PSD3: variants seen among roughly 807,000 people sequenced by gnomAD.
The protein encoded by PSD3 is PH and SEC7 domain-containing protein 3.
In PSD3, 49 loss-of-function variants were observed where a neutral mutation model predicts 105.5. The ratio of observed to expected loss-of-function variants is 0.46; its 90% CI spans 0.37 to 0.59. PSD3 has a LOEUF of 0.59. Ranked by LOEUF, PSD3 falls within the 20% of genes least tolerant of loss-of-function variation. The pLI is 0.00. For missense variants in PSD3, 1,561 were observed against 1,263.8 expected (o/e 1.24, Z -3.57); for synonymous variants, 557 against 457.8 (o/e 1.22, Z -2.77).
intron 1 of PSD3, among the ~76,000 whole-genome samples, chr8:18,986,887 G>C (rs866710895): frequency 1.3e-5 from 2 of 152,034 alleles, no homozygotes; most frequent in African/African-American, 4.8e-5. Flanking sequence ...CACTTTTCTG[G>C]ACCTCACACA....
chr8:18,751,227 C>T (rs2129438024), intron 9 of PSD3, among the ~76,000 whole-genome samples: 1 of 152,292 alleles, frequency 6.6e-6, no homozygotes, highest in East Asian at 1.9e-4. Context: ...TCGAGCACAG[C>T]GCTGGTGGGC....
chr8:18,761,841 G>T (rs1361127528), intron 9 of PSD3, among the ~76,000 whole-genome samples: 5 of 152,018 alleles, frequency 3.3e-5, no homozygotes, highest in Non-Finnish European at 7.3e-5. Context: ...TGATCACAGG[G>T]TTAATCAGAA....
rs372601281 is a variant in PSD3, at chr8:18,669,102, G to A, written c.2173-13417C>T. 2.0e-4 allele frequency among the ~76,000 whole-genome samples: 30 copies of A among 152,220 alleles called. No homozygotes were observed. The East Asian group carries it at 3.3e-3, about 17-fold the overall frequency. ...TGTCTACTCCATCTCCCTACATAGC[G>A]TACCTTGCTTAATGCATCCTCATTG... On this transcript the variant is annotated intron_variant, in intron 9 of 15. Coordinates refer to ENST00000327040, the MANE Select transcript of PSD3 (RefSeq NM_015310.4).
chr8:18,541,679 C>G (rs1020150539), intron 15 of PSD3, among the ~76,000 whole-genome samples: 1 of 152,138 alleles, frequency 6.6e-6, no homozygotes, highest in Non-Finnish European at 1.5e-5. Context: ...GGCTTTTTCT[C>G]TCTCTTTAGA....
At chr8:18,921,840 G>A (rs960945329) in intron 2 of PSD3, among the ~76,000 whole-genome samples, 1 of 152,066 alleles carries the variant, frequency 6.6e-6, no homozygotes, top group African/African-American at 2.4e-5. Context: ...AGGAGGGAGT[G>A]GTGACCAAGT....
At chr8:18,549,207 G>C (rs1179556429) in intron 15 of PSD3, among the ~76,000 whole-genome samples, 1 of 127,810 alleles carries the variant, frequency 7.8e-6, no homozygotes, top group South Asian at 2.6e-4. Context: ...TTGAGACAGA[G>C]TTTCACTCTT....
intron 1 of PSD3, among the ~76,000 whole-genome samples, chr8:19,020,899 C>T (rs974747901): frequency 6.6e-6 from 1 of 152,142 alleles, no homozygotes; most frequent in East Asian, 1.9e-4. Context: ...GGAGATCAGG[C>T]TGTAATTTTT....
At chr8:18,723,107 G>A (rs778020735) in intron 9 of PSD3, among the ~76,000 whole-genome samples, 16 of 152,114 alleles carry the variant, frequency 1.1e-4, no homozygotes, top group Non-Finnish European at 2.2e-4. Context: ...ACCATGCTCC[G>A]TTGAATTGAC....
intron 1 of PSD3, among the ~76,000 whole-genome samples, chr8:18,946,672 G>A (rs13274225): frequency 0.13 from 19,909 of 151,966 alleles, 1,400 homozygotes; most frequent in South Asian, 0.18. Flanking sequence ...GGCCGAGGTG[G>A]GTGGATCACC....
chr8:18,627,928 A>G (rs1279865958), intron 11 of PSD3, among the ~76,000 whole-genome samples: 1 of 152,042 alleles, frequency 6.6e-6, no homozygotes, highest in Non-Finnish European at 1.5e-5. Context: ...TAAACAGAAT[A>G]AATATATTCA....
intron 8 of PSD3, chr8:18,775,043 C>A (rs1807913776): frequency 6.7e-6 from 3 of 449,316 alleles, no homozygotes; most frequent in Non-Finnish European, 1.3e-5. Context: ...TGGTAACCAC[C>A]AATCTACTCT....
At chr8:18,563,700 C>A (rs551985662) in intron 14 of PSD3, among the ~76,000 whole-genome samples, 7 of 151,988 alleles carry the variant, frequency 4.6e-5, no homozygotes, top group Admixed American at 2.6e-4. Flanking sequence ...TAAATACAGA[C>A]CTCGAAGAAA....
chr8:18,616,628 C>CTTTT (rs71217391), intron 11 of PSD3, among the ~76,000 whole-genome samples: 1 of 126,776 alleles, frequency 7.9e-6, no homozygotes, highest in Non-Finnish European at 1.6e-5. Context: ...CTTTTCTTTT[C>CTTTT]TTTTTTTTTT....
At chr8:18,629,223 C>G (rs1188817498) in intron 11 of PSD3, among the ~76,000 whole-genome samples, 1 of 151,794 alleles carries the variant, frequency 6.6e-6, no homozygotes, top group Non-Finnish European at 1.5e-5. Context: ...ACAAAGGGGT[C>G]AAATCATCAG....
chr8:18,752,627 A>ATATAATATATATAATATATATAATATAT, intron 9 of PSD3, among the ~76,000 whole-genome samples: 1 of 74,338 alleles, frequency 1.3e-5, no homozygotes, highest in African/African-American at 7.3e-5. Flanking sequence ...AATATATATT[A>ATATAATATATATAATATATATAATATAT]TATATAATAT....
intron 2 of PSD3, among the ~76,000 whole-genome samples, chr8:18,933,495 T>C (rs1181501673): frequency 6.6e-6 from 1 of 152,114 alleles, no homozygotes; most frequent in Non-Finnish European, 1.5e-5. Flanking sequence ...TGAGACAGAG[T>C]CTCACTCAGT....
chr8:18,921,967 C>T lies in PSD3; in HGVS notation c.130+14067G>A, dbSNP rs144870067. Reference sequence around the variant, plus strand: ...AGTCTGGATTTTTACATGAAATCTCCCAGTTTTTAAAAGTTAGCTCAATAT... The same window carrying T: ...AGTCTGGATTTTTACATGAAATCTCTCAGTTTTTAAAAGTTAGCTCAATAT... On this transcript the variant is annotated intron_variant, in intron 2 of 15. Transcript: ENST00000327040. 5.8e-3 allele frequency among the ~76,000 whole-genome samples: 890 copies of T among 152,208 alleles called. 8 individuals are homozygous for T. The highest frequency in any genetic ancestry group is 0.02 in the African/African-American group (847 of 41,522).
Position 18,535,724 on chromosome 8 carries a change from T to C in PSD3, c.*19A>G. On this transcript the variant is annotated 3_prime_UTR_variant, in exon 16 of 16. Transcript: ENST00000327040. The stretch of plus-strand genomic sequence containing the variant: ...CCTATTTTGCTCCATGACCAGCACT[T>C]CCTGGCCGCAGATGGACTCTAAGTA... 1 of 1,578,856 alleles carries C rather than the reference T, an allele frequency of 6.3e-7. No individual in the cohort carries two copies. Among genetic ancestry groups the C allele is most frequent in the Non-Finnish European group, 8.7e-7 (1 of 1,147,970 alleles).
chr8:18,648,928 G>C (rs1280897737), intron 10 of PSD3, among the ~76,000 whole-genome samples: 2 of 152,264 alleles, frequency 1.3e-5, no homozygotes, highest in Admixed American at 1.3e-4. Context: ...TGGGTATGCA[G>C]AATGCAAGAG....
Sources: gnomAD v4.1 joint callset for allele counts (sites outside exome capture counted in the v4.1 genomes callset) on GRCh38, gnomAD v4.1.1 for gene constraint, MANE v1.5 for transcripts, NCBI Gene and HGNC (gene_info 2026-07-23, HGNC 2026-07-21) for gene names.